PXDNL: variants seen among roughly 807,000 people sequenced by gnomAD.
PXDNL encodes peroxidasin like.
PXDNL carries 145 observed loss-of-function variants against 150.8 expected under a neutral mutation model. The observed-to-expected ratio is 0.96, with a 90% CI of 0.84 to 1.10. The LOEUF (loss-of-function observed/expected upper bound fraction) is 1.10, where lower values mean the gene tolerates loss of function less well. PXDNL is among the 50% of genes least tolerant of loss of function. PXDNL has a pLI of 0.00. For missense variants in PXDNL, 2,087 were observed against 1,873.9 expected (o/e 1.11, Z -2.10); for synonymous variants, 757 against 725.7 (o/e 1.04, Z -0.69).
At chr8:51,386,559 A>G (rs1413664008) in intron 17 of PXDNL, among the ~76,000 whole-genome samples, 1 of 152,206 alleles carries the variant, frequency 6.6e-6, no homozygotes, top group Non-Finnish European at 1.5e-5. Flanking sequence ...GATGATATAG[A>G]TAGATAAGAG....
intron 1 of PXDNL, among the ~76,000 whole-genome samples, chr8:51,655,825 C>G (rs1306318567): frequency 1.3e-5 from 2 of 152,154 alleles, no homozygotes; most frequent in Non-Finnish European, 2.9e-5. Context: ...CTTGTCCACT[C>G]AAGAAAGCGC....
Position 51,565,317 on chromosome 8 carries a change from A to G in PXDNL, c.309-8406T>C, listed in dbSNP as rs146880762. Among the ~76,000 whole-genome samples the G allele has an allele frequency of 4.5e-3, 493 of 110,284 alleles. 1 individual carries two copies. The highest frequency in any genetic ancestry group is 0.02 in the African/African-American group (401 of 20,408). The allele number at this position is 110,284 out of a possible 152,430, so 72.4% of individuals were successfully genotyped here. A position where few individuals can be genotyped will look rare whatever the true frequency, so the allele number is the denominator to read the frequency against. On this transcript the variant is annotated intron_variant, in intron 3 of 22. Transcript: ENST00000356297. ...AAATAAATAAATAAATAAATAAATA[A>G]ATAAATAGATAGATAGATAGATAGA...
intron 3 of PXDNL, among the ~76,000 whole-genome samples, chr8:51,569,975 G>A (rs1311934902): frequency 6.6e-6 from 1 of 151,856 alleles, no homozygotes; most frequent in African/African-American, 2.4e-5. Context: ...TGCTTTTGTT[G>A]CCCGGGATCA....
intron 1 of PXDNL, among the ~76,000 whole-genome samples, chr8:51,702,419 T>C (rs575257021): frequency 1.3e-5 from 2 of 152,244 alleles, no homozygotes; most frequent in Admixed American, 6.5e-5. Flanking sequence ...ACTCTGGCAA[T>C]ATGGTAGAGG....
intron 2 of PXDNL, among the ~76,000 whole-genome samples, chr8:51,653,605 C>T (rs1015018260): frequency 6.6e-6 from 1 of 152,116 alleles, no homozygotes; most frequent in African/African-American, 2.4e-5. Flanking sequence ...GCAGTCCTTA[C>T]TTTCTTATGT....
At chr8:51,531,323 A>G (rs1200996828) in intron 4 of PXDNL, among the ~76,000 whole-genome samples, 1 of 152,150 alleles carries the variant, frequency 6.6e-6, no homozygotes, top group East Asian at 1.9e-4. Flanking sequence ...ATGTTCTCTA[A>G]CGAGTCTTTG....
At chr8:51,429,764 C>A (rs1327199250) in intron 12 of PXDNL, among the ~76,000 whole-genome samples, 1 of 147,236 alleles carries the variant, frequency 6.8e-6, no homozygotes, top group Non-Finnish European at 1.5e-5. Flanking sequence ...GAAATAAGAG[C>A]TTTCATCATA....
At chr8:51,710,208 C>G (rs1193985613) in intron 1 of PXDNL, among the ~76,000 whole-genome samples, 2 of 152,222 alleles carry the variant, frequency 1.3e-5, no homozygotes, top group African/African-American at 2.4e-5. Context: ...CAAAATCTGT[C>G]TTGCTCTAGA....
intron 15 of PXDNL, among the ~76,000 whole-genome samples, chr8:51,412,125 T>G (rs998606461): frequency 6.6e-6 from 1 of 152,136 alleles, no homozygotes; most frequent in Admixed American, 6.5e-5. Context: ...TAAAAAGAAA[T>G]TTAAAAGCAC....
intron 4 of PXDNL, among the ~76,000 whole-genome samples, chr8:51,520,416 C>T (rs1204926933): frequency 6.6e-6 from 1 of 152,054 alleles, no homozygotes; most frequent in East Asian, 1.9e-4. Flanking sequence ...GTGACTGGGG[C>T]CAATCACTCC....
At chr8:51,526,786 C>T (rs1279048253) in intron 4 of PXDNL, among the ~76,000 whole-genome samples, 1 of 152,204 alleles carries the variant, frequency 6.6e-6, no homozygotes, top group Non-Finnish European at 1.5e-5. Context: ...ACCATTACCT[C>T]TCTATCCTGA....
intron 9 of PXDNL, among the ~76,000 whole-genome samples, chr8:51,455,115 C>CAAAAAAATAAAAAAAAA (rs1809906606): frequency 6.3e-5 from 1 of 15,864 alleles, no homozygotes; most frequent in Non-Finnish European, 1.0e-4. Context: ...GACTCCGTCT[C>CAAAAAAATAAAAAAAAA]AAAAAAAAAA....
intron 4 of PXDNL, among the ~76,000 whole-genome samples, chr8:51,552,036 A>G (rs1207314290): frequency 6.6e-6 from 1 of 152,246 alleles, no homozygotes; most frequent in Non-Finnish European, 1.5e-5. Context: ...GACAATGCTG[A>G]AAAGAAGGTA....
At chr8:51,512,935 A>AGT (rs1811453202) in intron 4 of PXDNL, among the ~76,000 whole-genome samples, 1 of 11,454 alleles carries the variant, frequency 8.7e-5, no homozygotes, top group African/African-American at 1.1e-4. Flanking sequence ...CCTCCCACCA[A>AGT]CAGGGGCAAG....
chr8:51,692,580 C>T (rs920898121), intron 1 of PXDNL, among the ~76,000 whole-genome samples: 11 of 152,070 alleles, frequency 7.2e-5, no homozygotes, highest in Non-Finnish European at 1.5e-4. Flanking sequence ...TGGGTGGGGG[C>T]CAAATTTCAC....
chr8:51,445,087 T>C lies in PXDNL; in HGVS notation c.1525+1917A>G, dbSNP rs568575857. Among the ~76,000 whole-genome samples, 366 of 152,072 alleles carry C rather than the reference T, an allele frequency of 2.4e-3. 4 individuals carry two copies. The highest frequency in any genetic ancestry group is 0.01 in the Middle Eastern group (3 of 294). On this transcript the variant is annotated intron_variant, in intron 12 of 22. Transcript: ENST00000356297. Reference sequence around the variant, plus strand: ...GGCACATGCCACCATGCCTGGCTAATTTTTGTATTTTTAGTAGAGACAGGG... The same window carrying C: ...GGCACATGCCACCATGCCTGGCTAACTTTTGTATTTTTAGTAGAGACAGGG...
At chr8:51,465,263 A>G (rs1810179390) in intron 8 of PXDNL, among the ~76,000 whole-genome samples, 1 of 152,180 alleles carries the variant, frequency 6.6e-6, no homozygotes. Context: ...GCAAATCAAT[A>G]CATGTCATTC....
At chr8:51,625,538 T>C (rs1814345633) in intron 2 of PXDNL, among the ~76,000 whole-genome samples, 2 of 152,174 alleles carry the variant, frequency 1.3e-5, no homozygotes. Context: ...TTCATTCTCT[T>C]AGAGAAAAAT....
At chr8:51,625,268 G>C (rs934382935) in intron 2 of PXDNL, among the ~76,000 whole-genome samples, 2 of 152,002 alleles carry the variant, frequency 1.3e-5, no homozygotes, top group African/African-American at 4.8e-5. Context: ...ACAAAAGCAA[G>C]CTAAGACTCT....
Sources: allele counts gnomAD v4.1 joint callset (sites outside exome capture counted in the v4.1 genomes callset), GRCh38; gene constraint gnomAD v4.1.1; transcripts MANE v1.5; gene names NCBI Gene and HGNC (gene_info 2026-07-23, HGNC 2026-07-21).